The following ENTPD4 variants were observed in gnomAD, a reference collection of about 807,000 sequenced individuals.
ENTPD4 encodes Golgi UDPase.
A neutral mutation model predicts 79.1 loss-of-function variants in ENTPD4; 60 were observed. That is an observed-to-expected ratio of 0.76 (90% confidence interval 0.62 to 0.94). The LOEUF is 0.94. Ranked by LOEUF, ENTPD4 falls within the 40% of genes least tolerant of loss-of-function variation. The probability of loss-of-function intolerance (pLI) is 0.00; values close to 1 mark genes in which losing one functional copy is unlikely to be tolerated. For synonymous variants in ENTPD4, 276 were observed against 292.0 expected, an observed-to-expected ratio of 0.95 and a Z score of 0.56; for missense variants, 772 against 775.1, an observed-to-expected ratio of 1.00 and a Z score of 0.05.
chr8:23,447,481 T>C (rs17089274), intron 4 of ENTPD4, among the ~76,000 whole-genome samples, 199 bp downstream of exon 4: 9,624 of 152,238 alleles, frequency 0.063, 440 homozygotes, highest in African/African-American at 0.12. Flanking sequence ...ACATGTCTGT[T>C]TGGATGTTTT....
rs1800478979 is a variant in ENTPD4 at position 23,432,789 on chromosome 8, CGCTCGGCCT to C, written c.*128_*136del. ...CTGGGATTACAGGCGTGAGCCACCG[CGCTCGGCCT>C]GCATTTTGTTTTTGTTTGGAGGAAC... On this transcript the variant is annotated 3_prime_UTR_variant, in exon 13 of 13. Transcript: ENST00000358689. The C allele has an allele frequency of 7.0e-7, 1 of 1,437,786 alleles. No homozygotes were observed. The highest frequency in any genetic ancestry group is 1.4e-5 in the African/African-American group (1 of 69,644). The allele number at this position is 1,437,786 out of a possible 1,614,324, so 89.1% of individuals were successfully genotyped here.
chr8:23,451,007 TTC>T (rs1487363607), intron 1 of ENTPD4, among the ~76,000 whole-genome samples: 1 of 144,022 alleles, frequency 6.9e-6, no homozygotes, highest in Non-Finnish European at 1.5e-5. Flanking sequence ...CAAATGTAAT[TTC>T]TTTTTTTCTT....
At position 23,431,944 on chromosome 8, in the gene ENTPD4, G is replaced by A. The variant is rs1411752578; in HGVS notation, c.*982C>T. On this transcript the variant is annotated 3_prime_UTR_variant, in exon 13 of 13. Coordinates refer to ENST00000358689, the MANE Select transcript of ENTPD4 (RefSeq NM_004901.5). ...GGATTTTTCTAAATAAAATGTACCA[G>A]TAAATTCTGAAGTGTGTGTTTTTAA... The A allele has an allele frequency of 1.3e-5, 13 of 985,280 alleles. No individual in the cohort carries two copies. The highest frequency in any genetic ancestry group is 1.6e-5 in the Non-Finnish European group (13 of 829,916). The allele number at this position is 985,280 out of a possible 1,614,324, so 61.0% of individuals were successfully genotyped here.
At chr8:23,438,844 CT>C (rs1172603818) in intron 9 of ENTPD4, among the ~76,000 whole-genome samples, 1 of 152,140 alleles carries the variant, frequency 6.6e-6, no homozygotes, top group African/African-American at 2.4e-5. Context: ...ACACACATGA[CT>C]TTGTGGTAAA....
Position 23,431,273 on chromosome 8 carries a change from T to A in ENTPD4, c.*1653A>T. 1 of 903,796 alleles carries A rather than the reference T, an allele frequency of 1.1e-6. No individual in the cohort carries two copies. Among genetic ancestry groups the A allele is most frequent in the South Asian group, 5.1e-5 (1 of 19,706 alleles). 56.0% of individuals were successfully genotyped at this position (903,796 alleles called of 1,614,324 possible). ...CCTAGTTCCAAAGCCACTTTTATAA[T>A]ATCCTCAGTTATCTGTTATAGCAAC... On this transcript the variant is annotated 3_prime_UTR_variant, in exon 13 of 13. Coordinates refer to ENST00000358689, the MANE Select transcript of ENTPD4 (RefSeq NM_004901.5).
chr8:23,433,964 C>T (rs1231494247), intron 12 of ENTPD4: 2 of 211,244 alleles, frequency 9.5e-6, no homozygotes, highest in African/African-American at 4.5e-5. Context: ...CTTCTGTAAT[C>T]CTATGTATTT....
At position 23,433,544 on chromosome 8, in the gene ENTPD4, G is replaced by T. The variant is rs1213836655; in HGVS notation, c.1623-390C>A. Among the ~76,000 whole-genome samples, 5 of 152,050 alleles carry T rather than the reference G, an allele frequency of 3.3e-5. No homozygotes were observed. In the South Asian group the frequency reaches 6.2e-4, roughly 19 times the overall value. On this transcript the variant is annotated intron_variant, in intron 12 of 12. Transcript: ENST00000358689. ...AAATGCTCAATTAAATGGAGGGGGT[G>T]GGGGGAAGAGCAAATGTCTCATCTA...
rs908387186 is a variant in ENTPD4 at position 23,431,295 on chromosome 8, C to G, written c.*1631G>C. On this transcript the variant is annotated 3_prime_UTR_variant, in exon 13 of 13. Coordinates refer to ENST00000358689, the MANE Select transcript of ENTPD4 (RefSeq NM_004901.5). The stretch of plus-strand genomic sequence containing the variant: ...TAATATCCTCAGTTATCTGTTATAG[C>G]AACAACCCCACTTCTGGGTACTAAT... The G allele has an allele frequency of 7.3e-6, 7 of 964,838 alleles. No individual in the cohort carries two copies. Among genetic ancestry groups the G allele is most frequent in the South Asian group, 4.8e-5 (1 of 20,930 alleles). 59.8% of individuals were successfully genotyped at this position (964,838 alleles called of 1,614,324 possible).
chr8:23,433,015 TGCGCC>T lies in ENTPD4; in HGVS notation c.1757_1761del (p.Arg586HisfsTer95), dbSNP rs1800486337. On this transcript the variant is annotated frameshift_variant, in exon 13 of 13. Transcript: ENST00000358689. LOFTEE classifies it high-confidence loss of function. ...CTGCTCCGGGGAGTGCGCCTGTGGATGCGCCGCAGCCGCAGCAGGTACAGCAGGAT... is the reference window on the plus strand; with the variant it reads ...CTGCTCCGGGGAGTGCGCCTGTGGATGCAGCCGCAGCAGGTACAGCAGGAT... 6.2e-7 allele frequency: 1 copy of T among 1,614,026 alleles called. No individual in the cohort carries two copies. The highest frequency in any genetic ancestry group is 8.5e-7 in the Non-Finnish European group (1 of 1,179,952).
rs139825037 is a variant in ENTPD4 at position 23,444,482 on chromosome 8, C to T, written c.537G>A (p.Thr179=). 49 of 1,613,932 alleles carry T rather than the reference C, an allele frequency of 3.0e-5. No homozygotes were observed. Among genetic ancestry groups the T allele is most frequent in the Non-Finnish European group, 3.9e-5 (46 of 1,179,978 alleles). ...HKETPLYILC[T]AGMRILPESQ... ...TTTCGGGGAGGATTCTCATTCCAGCCGTGCAGAGAATGTAGAGAGGTGTCT... is the reference window on the plus strand; with the variant it reads ...TTTCGGGGAGGATTCTCATTCCAGCTGTGCAGAGAATGTAGAGAGGTGTCT... The change falls in exon 5 of 13, where the codon ACG becomes ACA. Residue 179 remains threonine (T), a synonymous_variant. Transcript: ENST00000358689.
At chr8:23,442,242 C>G in intron 6 of ENTPD4, among the ~76,000 whole-genome samples, 176 bp from the exon 7 acceptor site, 1 of 152,194 alleles carries the variant, frequency 6.6e-6, no homozygotes, top group Non-Finnish European at 1.5e-5. Flanking sequence ...TTTCCAAGAA[C>G]TCTCAACTTT....
intron 6 of ENTPD4, among the ~76,000 whole-genome samples, chr8:23,442,282 G>C (rs112122425): frequency 6.6e-6 from 1 of 152,142 alleles, no homozygotes; most frequent in Admixed American, 6.5e-5. Flanking sequence ...CATCTACACA[G>C]GTTGGAAATA....
At chr8:23,439,416 A>C (rs1800628966) in intron 9 of ENTPD4, among the ~76,000 whole-genome samples, 1 of 152,312 alleles carries the variant, frequency 6.6e-6, no homozygotes, top group African/African-American at 2.4e-5. Context: ...TGCTCCAGAT[A>C]CTGGGTTTCC....
At chr8:23,434,641 C>T (rs906679212) in intron 11 of ENTPD4, 163 bp from the exon 12 acceptor site, 9 of 1,443,802 alleles carry the variant, frequency 6.2e-6, no homozygotes, top group Non-Finnish European at 7.3e-6. Context: ...GGTTGATGTA[C>T]TTGCTTCACA....
At chr8:23,443,286 C>T (rs1800705952) in intron 6 of ENTPD4, among the ~76,000 whole-genome samples, 1 of 152,174 alleles carries the variant, frequency 6.6e-6, no homozygotes, top group African/African-American at 2.4e-5. Flanking sequence ...CTGTAAGCAG[C>T]TGAATAGCAA....
rs542707184 is a variant in ENTPD4 at position 23,432,207 on chromosome 8, A to G, written c.*719T>C. 2.0e-6 allele frequency: 2 copies of G among 982,182 alleles called. No individual in the cohort carries two copies. Among genetic ancestry groups the G allele is most frequent in the Non-Finnish European group, 2.4e-6 (2 of 829,602 alleles). 60.8% of individuals were successfully genotyped at this position (982,182 alleles called of 1,614,324 possible). On this transcript the variant is annotated 3_prime_UTR_variant, in exon 13 of 13. Transcript: ENST00000358689. ...CCCTCTTCAGGTTAGAGCTTTCAAG[A>G]TAGAGAAAAAAGAGGATTATCATTT...
rs1167184431 is a variant in ENTPD4 at position 23,429,943 on chromosome 8, G to A, written c.*2983C>T. 2 of 985,338 alleles carry A rather than the reference G, an allele frequency of 2.0e-6. No homozygotes were observed. Among genetic ancestry groups the A allele is most frequent in the East Asian group, 2.3e-4 (2 of 8,830 alleles). 61.0% of individuals were successfully genotyped at this position (985,338 alleles called of 1,614,324 possible). On this transcript the variant is annotated 3_prime_UTR_variant, in exon 13 of 13. Coordinates refer to ENST00000358689, the MANE Select transcript of ENTPD4 (RefSeq NM_004901.5). ...GGAGGTTTAAAAGTGAGAAGCCCATGATATGGCTATGGAACATAAGCACTT... is the reference window on the plus strand; with the variant it reads ...GGAGGTTTAAAAGTGAGAAGCCCATAATATGGCTATGGAACATAAGCACTT...
At chr8:23,437,672 GCTTTAGAAAAGTTACTAGAAA>G (rs1246959674) in intron 9 of ENTPD4, among the ~76,000 whole-genome samples, 4 of 152,206 alleles carry the variant, frequency 2.6e-5, no homozygotes, top group Non-Finnish European at 5.9e-5. Context: ...CAGGTTAGAT[GCTTTAGAAAAGTTACTAGAAA>G]ATTATCAAAC....
At position 23,432,100 on chromosome 8, in the gene ENTPD4, A is replaced by G; in HGVS notation, c.*826T>C. On this transcript the variant is annotated 3_prime_UTR_variant, in exon 13 of 13. Transcript: ENST00000358689. ...TGGTGCCCATGTTTCTCTGTTTTGG[A>G]TATAAATGGTTTAAAAAATTTAAAT... The G allele has an allele frequency of 1.0e-6, 1 of 985,108 alleles. No individual in the cohort carries two copies. Among genetic ancestry groups the G allele is most frequent in the South Asian group, 4.7e-5 (1 of 21,282 alleles). The allele number at this position is 985,108 out of a possible 1,614,324, so 61.0% of individuals were successfully genotyped here. A position where few individuals can be genotyped will look rare whatever the true frequency, so the allele number is the denominator to read the frequency against.
Sources: allele counts gnomAD v4.1 joint callset (sites outside exome capture counted in the v4.1 genomes callset), GRCh38; gene constraint gnomAD v4.1.1; transcripts MANE v1.5; gene names NCBI Gene and HGNC (gene_info 2026-07-23, HGNC 2026-07-21).